Variants in MCF2L observed in about 807,000 individuals in gnomAD.
MCF2L encodes guanine nucleotide exchange factor DBS.
Under a neutral mutation model 153.4 loss-of-function variants are expected in MCF2L, and 97 were observed. That is an observed-to-expected ratio of 0.63 (90% confidence interval 0.54 to 0.75). The LOEUF (loss-of-function observed/expected upper bound fraction) is 0.75, where lower values mean the gene tolerates loss of function less well. Ranked by LOEUF, MCF2L falls within the 30% of genes least tolerant of loss-of-function variation. The pLI is 0.00. For synonymous variants in MCF2L, 659 were observed against 632.2 expected, an observed-to-expected ratio of 1.04 and a Z score of -0.64; for missense variants, 1,347 against 1,495.2, an observed-to-expected ratio of 0.90 and a Z score of 1.64.
intron 1 of MCF2L, among the ~76,000 whole-genome samples, chr13:112,989,627 C>T (rs1405883561): frequency 1.4e-4 from 4 of 28,014 alleles, no homozygotes; most frequent in Non-Finnish European, 2.8e-4. Context: ...CTACCACGCC[C>T]GAGTCCTCCC....
chr13:112,902,519 A>G (rs1198331807), intron 2 of MCF2L: 24 of 842,152 alleles, frequency 2.8e-5, no homozygotes, highest in Non-Finnish European at 3.5e-5. Context: ...AGGCTGTGGG[A>G]GGGGCCTCGA....
intron 1 of MCF2L, among the ~76,000 whole-genome samples, chr13:113,005,830 G>A (rs1426923416): frequency 2.0e-5 from 3 of 152,218 alleles, no homozygotes; most frequent in Non-Finnish European, 4.4e-5. Context: ...TATCAAAACA[G>A]CACGTGTGCG....
At chr13:112,953,785 G>T (rs1210422632) in intron 2 of MCF2L, among the ~76,000 whole-genome samples, 1 of 152,186 alleles carries the variant, frequency 6.6e-6, no homozygotes, top group Non-Finnish European at 1.5e-5. Context: ...CCTGACCCCA[G>T]CCAGACCCCA....
rs1595055156 is a variant in MCF2L, at chr13:113,096,924, C to G, written c.*65C>G. 15 of 1,154,784 alleles carry G rather than the reference C, an allele frequency of 1.3e-5. No individual in the cohort carries two copies. The East Asian group carries it at 5.2e-4, about 40-fold the overall frequency. 71.5% of individuals were successfully genotyped at this position (1,154,784 alleles called of 1,614,324 possible). A position where few individuals can be genotyped will look rare whatever the true frequency, so the allele number is the denominator to read the frequency against. On this transcript the variant is annotated 3_prime_UTR_variant, in exon 30 of 30. Coordinates refer to ENST00000535094, the MANE Select transcript of MCF2L (RefSeq NM_001112732.3). ...TGCGGTGGCGTGGGGAGGGCGCGGC[C>G]CCCGGACGCCCCGAGGAAGGGGCAC...
chr13:113,073,100 G>C (rs2033086281), intron 9 of MCF2L, among the ~76,000 whole-genome samples: 1 of 130,086 alleles, frequency 7.7e-6, no homozygotes, highest in Non-Finnish European at 1.6e-5. Flanking sequence ...AATGTATGTT[G>C]TTTGGCTTCC....
In MCF2L at chr13:113,097,016, G is replaced by T; in HGVS notation, c.*157G>T. The T allele has an allele frequency of 2.2e-6, 1 of 456,342 alleles. No individual in the cohort carries two copies. Among genetic ancestry groups the T allele is most frequent in the Non-Finnish European group, 3.6e-6 (1 of 280,708 alleles). The allele number at this position is 456,342 out of a possible 1,614,324, so 28.3% of individuals were successfully genotyped here. A position where few individuals can be genotyped will look rare whatever the true frequency, so the allele number is the denominator to read the frequency against. ...GAGGACCCCTCCGGGGCAGAGGCAG[G>T]TTCCACGGAAGACCCCGGCCCGCTG... On this transcript the variant is annotated 3_prime_UTR_variant, in exon 30 of 30. Transcript: ENST00000535094.
At chr13:113,084,753 C>T in intron 18 of MCF2L, 139 bp from the exon 19 acceptor site, 2 of 704,202 alleles carry the variant, frequency 2.8e-6, no homozygotes, top group Non-Finnish European at 5.0e-6. Context: ...ATGGGGCCAG[C>T]AGCAATGCCT....
chr13:112,909,408 T>C, intron 2 of MCF2L: 1 of 736,538 alleles, frequency 1.4e-6, no homozygotes, highest in South Asian at 1.5e-5. Flanking sequence ...CAAGGGGCTG[T>C]CTGCAGGGGT....
chr13:112,991,789 C>T (rs1351919840), intron 1 of MCF2L, among the ~76,000 whole-genome samples: 1 of 152,154 alleles, frequency 6.6e-6, no homozygotes, highest in Non-Finnish European at 1.5e-5. Context: ...GTTAAGTTAC[C>T]GGAAGTCATG....
chr13:113,086,279 G>A (rs374456582), intron 21 of MCF2L, 30 bp downstream of exon 21: 61 of 1,604,862 alleles, frequency 3.8e-5, no homozygotes, highest in Admixed American at 6.8e-5. Flanking sequence ...GGTCTTCCCC[G>A]CCGCCTCCGT....
intron 2 of MCF2L, among the ~76,000 whole-genome samples, chr13:112,930,546 G>A (rs1431630985): frequency 2.0e-5 from 3 of 152,200 alleles, no homozygotes; most frequent in Non-Finnish European, 4.4e-5. Flanking sequence ...GGGGTGAGTA[G>A]GTGGAGCTCT....
At chr13:113,089,762 G>C in intron 26 of MCF2L, 34 bp downstream of exon 26, 1 of 1,600,226 alleles carries the variant, frequency 6.2e-7, no homozygotes, top group Non-Finnish European at 8.6e-7. Flanking sequence ...CTCACACGGA[G>C]GCCTCACACG....
At chr13:112,929,094 G>A (rs968670748) in intron 2 of MCF2L, among the ~76,000 whole-genome samples, 6 of 152,232 alleles carry the variant, frequency 3.9e-5, no homozygotes, top group Non-Finnish European at 8.8e-5. Context: ...GCCTCCCAGC[G>A]GGGAGGGAGT....
At chr13:113,065,863 G>A (rs1338200114) in intron 7 of MCF2L, among the ~76,000 whole-genome samples, 183 bp from the exon 8 acceptor site, 1 of 152,208 alleles carries the variant, frequency 6.6e-6, no homozygotes, top group Non-Finnish European at 1.5e-5. Context: ...AGTGAGGGAG[G>A]CCCCCACATC....
intron 2 of MCF2L, among the ~76,000 whole-genome samples, chr13:112,942,617 CCTGT>C (rs1180745176): frequency 1.3e-5 from 2 of 152,180 alleles, no homozygotes; most frequent in Middle Eastern, 3.2e-3. Context: ...CTACAGTCCA[CCTGT>C]CTGATTTACA....
At chr13:113,007,828 C>G (rs568682695) in intron 1 of MCF2L, among the ~76,000 whole-genome samples, 32 of 152,294 alleles carry the variant, frequency 2.1e-4, no homozygotes, top group Middle Eastern at 3.4e-3. Flanking sequence ...CAGAAGATCC[C>G]TGCACACACG....
In MCF2L at chr13:113,054,618, A is replaced by AATT. The variant is rs2087604619; in HGVS notation, c.370-5973_370-5971dup. On this transcript the variant is annotated intron_variant, in intron 4 of 29. Transcript: ENST00000535094. The surrounding 1 kb of genome is among the most constrained non-coding windows in gnomAD (Gnocchi z 5.2). ...GTTGGTGAGGTTTCAGTTGCTCTGA[A>AATT]ATTAAATATATAATGTCAAGCTGGA... The AATT allele has an allele frequency of 6.6e-6, 1 of 152,260 alleles. No homozygotes were observed. The highest frequency in any genetic ancestry group is 2.4e-5 in the African/African-American group (1 of 41,452). The allele number at this position is 152,260 out of a possible 1,614,324, so 9.4% of individuals were successfully genotyped here.
intron 2 of MCF2L, among the ~76,000 whole-genome samples, chr13:113,023,361 C>G (rs996903164): frequency 2.0e-5 from 3 of 152,228 alleles, no homozygotes; most frequent in African/African-American, 7.2e-5. Context: ...TGAGGAGACG[C>G]CCACAGGGAG....
At chr13:112,935,988 C>A (rs2081510604) in intron 2 of MCF2L, among the ~76,000 whole-genome samples, 1 of 152,136 alleles carries the variant, frequency 6.6e-6, no homozygotes, top group Non-Finnish European at 1.5e-5. Flanking sequence ...CTCAGAAGGA[C>A]CCAGCCCTTG....
Sources: allele counts gnomAD v4.1 joint callset (sites outside exome capture counted in the v4.1 genomes callset), GRCh38; gene constraint gnomAD v4.1.1; non-coding constraint Gnocchi (gnomAD v3.1); transcripts MANE v1.5; gene names NCBI Gene and HGNC (gene_info 2026-07-23, HGNC 2026-07-21).